TRAPPC9: variants seen among roughly 807,000 people sequenced by gnomAD.
The protein encoded by TRAPPC9 is trafficking protein particle complex subunit 9.
TRAPPC9 carries 83 observed loss-of-function variants against 124.0 expected under a neutral mutation model. The ratio of observed to expected loss-of-function variants is 0.67; its 90% confidence interval spans 0.56 to 0.80. The LOEUF (loss-of-function observed/expected upper bound fraction) is 0.80, where lower values mean the gene tolerates loss of function less well. Ranked by LOEUF, TRAPPC9 falls within the 30% of genes least tolerant of loss-of-function variation. The pLI, the probability that TRAPPC9 is intolerant of heterozygous loss-of-function variation, is 0.00. For synonymous variants in TRAPPC9, 638 were observed against 617.5 expected, an observed-to-expected ratio of 1.03 and a Z score of -0.49; for missense variants, 1,302 against 1,508.3, an observed-to-expected ratio of 0.86 and a Z score of 2.27.
intron 19 of TRAPPC9, chr8:139,932,301 C>T (rs756112942): frequency 6.6e-6 from 3 of 457,656 alleles, no homozygotes; most frequent in African/African-American, 6.0e-5. Flanking sequence ...AGAATGTCCC[C>T]ACCTCGTGGA....
intron 8 of TRAPPC9, among the ~76,000 whole-genome samples, chr8:140,362,362 AAAC>A (rs1335617707): frequency 6.6e-6 from 1 of 152,160 alleles, no homozygotes; most frequent in African/African-American, 2.4e-5. Flanking sequence ...TTCAACAAAA[AAAC>A]CAATAAAGTA....
chr8:140,183,963 GAGGA>G, intron 17 of TRAPPC9, among the ~76,000 whole-genome samples: 1 of 14,822 alleles, frequency 6.7e-5, no homozygotes, highest in African/African-American at 1.1e-4. Flanking sequence ...GGAGGGGAGG[GAGGA>G]GGGAGGAGGG....
intron 21 of TRAPPC9, among the ~76,000 whole-genome samples, chr8:139,864,925 C>T (rs945779929): frequency 5.3e-5 from 8 of 152,188 alleles, no homozygotes; most frequent in African/African-American, 9.7e-5. Flanking sequence ...CCAAGGGTGA[C>T]GCCATGAGCT....
chr8:140,443,905 G>A (rs550233408), intron 2 of TRAPPC9, among the ~76,000 whole-genome samples: 3 of 151,656 alleles, frequency 2.0e-5, no homozygotes, highest in South Asian at 4.2e-4. Flanking sequence ...GCGTGGTGGC[G>A]GGCTCCTGTA....
chr8:140,193,823 T>C (rs930012345), intron 17 of TRAPPC9, among the ~76,000 whole-genome samples: 6 of 152,154 alleles, frequency 3.9e-5, no homozygotes, highest in African/African-American at 1.4e-4. Context: ...CTGTAATACC[T>C]ATCTTTCAGG....
intron 21 of TRAPPC9, among the ~76,000 whole-genome samples, chr8:139,877,103 T>G (rs1395908784): frequency 6.6e-6 from 1 of 152,182 alleles, no homozygotes; most frequent in African/African-American, 2.4e-5. Flanking sequence ...AAATATCCAC[T>G]CCATAATGTG....
At position 140,283,878 on chromosome 8, in the gene TRAPPC9, G is replaced by A. The variant is rs372777496; in HGVS notation, c.2114+11C>T. The A allele has an allele frequency of 3.5e-5, 56 of 1,613,282 alleles. No homozygotes were observed. The highest frequency in any genetic ancestry group is 1.6e-4 in the Middle Eastern group (1 of 6,072). On this transcript the variant is annotated intron_variant, in intron 14 of 22. Coordinates refer to ENST00000438773, the MANE Select transcript of TRAPPC9 (RefSeq NM_001160372.4). ...AGAGCCACTCTGCTCTGTGACCCTC[G>A]TGCACACTACCTGGGCAGAGAGGTG... is the stretch of plus-strand genomic sequence containing the variant.
chr8:139,859,616 T>C (rs1236565745), intron 21 of TRAPPC9, among the ~76,000 whole-genome samples: 2 of 152,218 alleles, frequency 1.3e-5, no homozygotes, highest in Admixed American at 1.3e-4. Flanking sequence ...ACACACAGAA[T>C]GGGTCCTGAT....
chr8:139,975,244 C>A (rs1219119672), intron 19 of TRAPPC9, among the ~76,000 whole-genome samples: 4 of 152,212 alleles, frequency 2.6e-5, no homozygotes, highest in Non-Finnish European at 4.4e-5. Context: ...GAGACAGTGG[C>A]GACTGCTGGT....
intron 17 of TRAPPC9, among the ~76,000 whole-genome samples, chr8:140,138,736 G>A (rs960708508): frequency 1.3e-5 from 2 of 152,218 alleles, no homozygotes; most frequent in South Asian, 2.1e-4. Flanking sequence ...TGCATCTGCT[G>A]TGCTCGGCCT....
At chr8:139,789,724 G>A (rs563610443) in intron 21 of TRAPPC9, among the ~76,000 whole-genome samples, 45 of 152,192 alleles carry the variant, frequency 3.0e-4, no homozygotes, top group East Asian at 5.8e-4. Context: ...CTGTGACGCC[G>A]GAAGCCTGTG....
chr8:140,375,079 G>A (rs1050041023), intron 7 of TRAPPC9, among the ~76,000 whole-genome samples: 6 of 152,170 alleles, frequency 3.9e-5, no homozygotes, highest in Non-Finnish European at 8.8e-5. Flanking sequence ...GAGAGCCTCA[G>A]GACAAAGCCA....
intron 15 of TRAPPC9, among the ~76,000 whole-genome samples, chr8:140,272,042 G>A (rs1445057289): frequency 6.7e-6 from 1 of 148,292 alleles, no homozygotes; most frequent in African/African-American, 2.5e-5. Context: ...TAATGGTGGT[G>A]GTTGTGGTGG....
chr8:140,178,900 T>G (rs1220741276), intron 17 of TRAPPC9, among the ~76,000 whole-genome samples: 3 of 152,174 alleles, frequency 2.0e-5, no homozygotes, highest in Non-Finnish European at 4.4e-5. Context: ...TTCACTCACA[T>G]GAAGTTTTCC....
At chr8:140,239,781 T>C (rs1051757676) in intron 16 of TRAPPC9, among the ~76,000 whole-genome samples, 7 of 152,174 alleles carry the variant, frequency 4.6e-5, no homozygotes, top group East Asian at 1.9e-4. Flanking sequence ...CTCAGGCAAA[T>C]AGAAATTGCA....
Position 140,221,635 on chromosome 8 carries a change from T to TTTGTTG in TRAPPC9, c.2432-58_2432-53dup, listed in dbSNP as rs565536849. 7.0e-6 allele frequency: 11 copies of TTTGTTG among 1,572,040 alleles called. No homozygotes were observed. The Admixed American group carries it at 1.5e-4, about 21-fold the overall frequency. ...GTAACACGTCAGCTTGGTTTTGGGG[T>TTTGTTG]TTGTTGTTGTTGTTGTTGTTTGGGA... is the stretch of plus-strand genomic sequence containing the variant. On this transcript the variant is annotated intron_variant, in intron 16 of 22. Transcript: ENST00000438773.
At chr8:140,228,555 T>A (rs548453642) in intron 16 of TRAPPC9, among the ~76,000 whole-genome samples, 1 of 152,254 alleles carries the variant, frequency 6.6e-6, no homozygotes. Context: ...ACATTCCCCA[T>A]GGGCAGCCTC....
chr8:140,168,350 C>T (rs2061889124), intron 17 of TRAPPC9, among the ~76,000 whole-genome samples: 1 of 136,936 alleles, frequency 7.3e-6, no homozygotes, highest in African/African-American at 2.6e-5. Context: ...CACCTCTATC[C>T]AGTTCTAAAA....
At chr8:140,430,652 T>A (rs755476299) in intron 4 of TRAPPC9, among the ~76,000 whole-genome samples, 3 of 152,170 alleles carry the variant, frequency 2.0e-5, no homozygotes, top group Non-Finnish European at 4.4e-5. Context: ...TGTTTTTTGT[T>A]TTTTAAGACA....
Sources: allele counts gnomAD v4.1 joint callset (sites outside exome capture counted in the v4.1 genomes callset), GRCh38; gene constraint gnomAD v4.1.1; transcripts MANE v1.5; gene names NCBI Gene and HGNC (gene_info 2026-07-23, HGNC 2026-07-21).